Variants in CACNA2D3 observed in about 807,000 individuals in gnomAD.
CACNA2D3 encodes the protein voltage-dependent calcium channel subunit alpha-2/delta-3.
In CACNA2D3, 60 loss-of-function variants were observed where a neutral mutation model predicts 160.6. That is an observed-to-expected ratio of 0.37 (90% confidence interval 0.30 to 0.46). The LOEUF (loss-of-function observed/expected upper bound fraction) is 0.46, where lower values mean the gene tolerates loss of function less well. CACNA2D3 is among the 20% of genes least tolerant of loss of function. CACNA2D3 has a pLI of 1.00. For synonymous variants in CACNA2D3, 558 were observed against 492.9 expected, an observed-to-expected ratio of 1.13 and a Z score of -1.75; for missense variants, 1,205 against 1,365.0, an observed-to-expected ratio of 0.88 and a Z score of 1.85.
intron 13 of CACNA2D3, among the ~76,000 whole-genome samples, chr3:54,808,969 A>G (rs1040302139): frequency 6.6e-6 from 1 of 152,218 alleles, no homozygotes; most frequent in African/African-American, 2.4e-5. Context: ...GTTATGGGCC[A>G]GTTGTTTTCG....
intron 4 of CACNA2D3, among the ~76,000 whole-genome samples, chr3:54,497,838 CT>C (rs2106934461): frequency 6.6e-6 from 1 of 151,932 alleles, no homozygotes; most frequent in Admixed American, 6.6e-5. Flanking sequence ...CATGCTTTTT[CT>C]TTATCTATTT....
At chr3:54,513,709 A>G (rs1035191527) in intron 5 of CACNA2D3, among the ~76,000 whole-genome samples, 1 of 151,974 alleles carries the variant, frequency 6.6e-6, no homozygotes, top group African/African-American at 2.4e-5. Context: ...GAGATGGAGT[A>G]TCACTCTGTC....
At chr3:54,539,498 A>T (rs7433752) in intron 5 of CACNA2D3, among the ~76,000 whole-genome samples, 1 of 151,966 alleles carries the variant, frequency 6.6e-6, no homozygotes, top group Non-Finnish European at 1.5e-5. Flanking sequence ...TTGCTTTGTG[A>T]CATTTGTGTG....
chr3:54,559,089 C>G lies in CACNA2D3; in HGVS notation c.545-3711C>G, dbSNP rs79710695. ...ATGTAGTCATTCTCAAACTTTTCAT[C>G]CTGACACTTGACAGCTATTTCTCCT... On this transcript the variant is annotated intron_variant, in intron 5 of 37. Transcript: ENST00000474759. Among the ~76,000 whole-genome samples the G allele has an allele frequency of 4.8e-3, 727 of 152,202 alleles. 16 individuals carry two copies. In the East Asian group the frequency reaches 0.064, roughly 13 times the overall value.
At chr3:54,416,569 G>T (rs1314317511) in intron 4 of CACNA2D3, among the ~76,000 whole-genome samples, 1 of 152,026 alleles carries the variant, frequency 6.6e-6, no homozygotes, top group East Asian at 1.9e-4. Flanking sequence ...ATTTCAATTA[G>T]AAAAAAAGCT....
At position 54,909,914 on chromosome 3, in the gene CACNA2D3, C is replaced by T. The variant is rs535292491; in HGVS notation, c.2449+10046C>T. 5.1e-4 allele frequency among the ~76,000 whole-genome samples: 78 copies of T among 152,252 alleles called. 2 individuals are homozygous for T. The South Asian group carries it at 0.016, about 31-fold the overall frequency. ...GAAGCCAAAAGATTGGACATCCCTG[C>T]CTAAACCCTTTGACTTGACTGAAAG... On this transcript the variant is annotated intron_variant, in intron 27 of 37. Coordinates refer to ENST00000474759, the MANE Select transcript of CACNA2D3 (RefSeq NM_018398.3).
At chr3:54,821,719 C>CCTTCT (rs1703606525) in intron 14 of CACNA2D3, among the ~76,000 whole-genome samples, 1 of 63,508 alleles carries the variant, frequency 1.6e-5, no homozygotes, top group African/African-American at 4.8e-5. Flanking sequence ...CTTCTTTCCT[C>CCTTCT]TCTCTCTCTC....
At chr3:54,742,869 A>G (rs187398351) in intron 11 of CACNA2D3, among the ~76,000 whole-genome samples, 224 of 152,314 alleles carry the variant, frequency 1.5e-3, no homozygotes, top group Non-Finnish European at 2.6e-3. Flanking sequence ...GTCCCTGACT[A>G]TGAGGCTGTA....
At chr3:55,004,138 G>A (rs1465025644) in intron 31 of CACNA2D3, among the ~76,000 whole-genome samples, 3 of 152,174 alleles carry the variant, frequency 2.0e-5, no homozygotes, top group South Asian at 2.1e-4. Flanking sequence ...TTTATCGCCA[G>A]TGTAGGAAAA....
intron 3 of CACNA2D3, among the ~76,000 whole-genome samples, chr3:54,348,008 C>T (rs987023124): frequency 6.6e-6 from 1 of 152,126 alleles, no homozygotes; most frequent in Non-Finnish European, 1.5e-5. Context: ...TATTTGACTC[C>T]TATGTATGTA....
At chr3:54,625,744 A>G (rs1488003488) in intron 9 of CACNA2D3, among the ~76,000 whole-genome samples, 1 of 152,162 alleles carries the variant, frequency 6.6e-6, no homozygotes, top group Non-Finnish European at 1.5e-5. Context: ...TCTTGCCAGC[A>G]AATCTTCTGC....
intron 3 of CACNA2D3, among the ~76,000 whole-genome samples, chr3:54,381,543 CG>C (rs1699102684): frequency 6.6e-6 from 1 of 152,176 alleles, no homozygotes; most frequent in South Asian, 2.1e-4. Context: ...TTTACTTAGA[CG>C]TGGTGTCCGG....
At chr3:54,566,463 A>G (rs1291551376) in intron 6 of CACNA2D3, among the ~76,000 whole-genome samples, 1 of 152,186 alleles carries the variant, frequency 6.6e-6, no homozygotes, top group Non-Finnish European at 1.5e-5. Context: ...CCCGTTTTCT[A>G]CCTGGTTATT....
chr3:54,987,684 C>A lies in CACNA2D3; in HGVS notation c.2621C>A (p.Thr874Asn). The A allele has an allele frequency of 6.2e-7, 1 of 1,602,200 alleles. No homozygotes were observed. Among genetic ancestry groups the A allele is most frequent in the Non-Finnish European group, 8.5e-7 (1 of 1,175,184 alleles). ...FILVSEDYTQ[T>N]GDFFGEIEGA... is the part of the protein sequence containing the mutation. ...CCTCATATGTCTTCTTCCCCATAGACTGGAGACTTTTTTGGTGAGATCGAG... is the reference window on the plus strand; with the variant it reads ...CCTCATATGTCTTCTTCCCCATAGAATGGAGACTTTTTTGGTGAGATCGAG... Residue 874 changes from threonine to asparagine, a missense_variant and splice_region_variant, in exon 31 of 38, where the codon ACT (threonine) becomes AAT (asparagine). This residue lies in a region of CACNA2D3 where 911 missense variants were observed against 1,002.2 expected (regional missense o/e 0.91). Transcript: ENST00000474759.
chr3:54,313,057 G>A (rs1351022085), intron 2 of CACNA2D3, among the ~76,000 whole-genome samples: 8 of 152,156 alleles, frequency 5.3e-5, no homozygotes, highest in African/African-American at 1.9e-4. Context: ...AAATAAGGTA[G>A]CACTAGGATT....
intron 26 of CACNA2D3, 25 bp from the exon 27 acceptor site, chr3:54,899,763 G>T (rs1356048291): frequency 6.6e-7 from 1 of 1,518,386 alleles, no homozygotes; most frequent in Non-Finnish European, 9.1e-7. Flanking sequence ...CTTCATTTTT[G>T]TTGTGGTGTT....
chr3:55,070,816 C>CTGTT (rs970934206), intron 35 of CACNA2D3, among the ~76,000 whole-genome samples: 9 of 152,144 alleles, frequency 5.9e-5, no homozygotes, highest in African/African-American at 1.4e-4. Context: ...TTAATTTTCA[C>CTGTT]TGTTTATATC....
At chr3:54,961,905 G>T (rs1004937584) in intron 27 of CACNA2D3, among the ~76,000 whole-genome samples, 5 of 152,072 alleles carry the variant, frequency 3.3e-5, no homozygotes, top group African/African-American at 1.2e-4. Flanking sequence ...CCAAGTTCAA[G>T]GGGCCCCATG....
rs1023368118 is a variant in CACNA2D3, at chr3:54,380,327, A to G, written c.322-6388A>G. 2.6e-5 allele frequency among the ~76,000 whole-genome samples: 4 copies of G among 152,200 alleles called. 1 individual carries two copies. Among genetic ancestry groups the G allele is most frequent in the African/African-American group, 9.7e-5 (4 of 41,444 alleles). The stretch of plus-strand genomic sequence containing the variant: ...GAGGACTTAGATCTCCTCTGTCTTC[A>G]CTTCTGTAGACTGTCAGCATGTCAA... On this transcript the variant is annotated intron_variant, in intron 3 of 37. Coordinates refer to ENST00000474759, the MANE Select transcript of CACNA2D3 (RefSeq NM_018398.3).
Sources: allele counts gnomAD v4.1 joint callset (sites outside exome capture counted in the v4.1 genomes callset), GRCh38; gene constraint gnomAD v4.1.1; regional missense constraint gnomAD v4.1.1; transcripts MANE v1.5; gene names NCBI Gene and HGNC (gene_info 2026-07-23, HGNC 2026-07-21).